TRIM9: variants seen among roughly 807,000 people sequenced by gnomAD.
TRIM9 encodes the protein E3 ubiquitin-protein ligase TRIM9.
A neutral mutation model predicts 78.3 loss-of-function variants in TRIM9; 26 were observed. The observed-to-expected ratio is 0.33, with a 90% CI of 0.24 to 0.46. The LOEUF is 0.46. Among genes scored for constraint, TRIM9 ranks in the 20% least tolerant of loss-of-function variants. TRIM9 has a pLI of 1.00. For synonymous variants in TRIM9, 398 were observed against 416.5 expected, an observed-to-expected ratio of 0.96 and a Z score of 0.54; for missense variants, 787 against 1,036.4, an observed-to-expected ratio of 0.76 and a Z score of 3.30.
chr14:51,035,856 C>T (rs2059100980), intron 1 of TRIM9, among the ~76,000 whole-genome samples: 2 of 152,198 alleles, frequency 1.3e-5, no homozygotes, highest in Non-Finnish European at 2.9e-5. Flanking sequence ...GTTGTAAATA[C>T]TTGGTAACTG....
intron 1 of TRIM9, among the ~76,000 whole-genome samples, chr14:51,051,412 C>T (rs1201599251): frequency 6.6e-6 from 1 of 152,136 alleles, no homozygotes; most frequent in African/African-American, 2.4e-5. Flanking sequence ...ACCTGTGAAC[C>T]TCTTAGCCAA....
intron 2 of TRIM9, among the ~76,000 whole-genome samples, chr14:51,024,298 T>A (rs772338230): frequency 1.3e-5 from 2 of 152,150 alleles, no homozygotes. Flanking sequence ...ATAAACTCCA[T>A]TGCTTTGGAA....
chr14:51,067,134 A>G (rs1342023969), intron 1 of TRIM9, among the ~76,000 whole-genome samples: 1 of 152,196 alleles, frequency 6.6e-6, no homozygotes, highest in African/African-American at 2.4e-5. Context: ...TGGACAAAAA[A>G]CAACTATTAA....
intron 1 of TRIM9, among the ~76,000 whole-genome samples, chr14:51,027,902 T>C (rs2058398197): frequency 6.6e-6 from 1 of 152,198 alleles, no homozygotes; most frequent in Admixed American, 6.5e-5. Context: ...CTTTTTATTA[T>C]AACCTATGTT....
intron 1 of TRIM9, among the ~76,000 whole-genome samples, chr14:51,080,213 C>T (rs2063170335): frequency 6.8e-6 from 1 of 148,078 alleles, no homozygotes; most frequent in Non-Finnish European, 1.5e-5. Flanking sequence ...TAATGTCTAT[C>T]GAAAGCCAAT....
At chr14:51,084,603 C>G (rs576446172) in intron 1 of TRIM9, among the ~76,000 whole-genome samples, 1 of 152,294 alleles carries the variant, frequency 6.6e-6, no homozygotes, top group East Asian at 1.9e-4. Context: ...GTTAGACTTA[C>G]TAGATTGGAT....
chr14:50,997,622 G>T (rs2054392694), intron 7 of TRIM9: 3 of 1,022,042 alleles, frequency 2.9e-6, no homozygotes, highest in Non-Finnish European at 2.3e-6. Flanking sequence ...AAGAACCTAG[G>T]TCCCACCCTC....
At chr14:50,990,088 G>A (rs947396404) in intron 7 of TRIM9, among the ~76,000 whole-genome samples, 6 of 152,172 alleles carry the variant, frequency 3.9e-5, no homozygotes, top group African/African-American at 1.4e-4. Context: ...GTTGATCATA[G>A]CTCACTGCAG....
At chr14:50,979,574 G>A (rs941919437) in intron 11 of TRIM9, 25 bp from the exon 12 acceptor site, 3 of 1,599,856 alleles carry the variant, frequency 1.9e-6, no homozygotes, top group Non-Finnish European at 2.6e-6. Context: ...AAAAATTGGG[G>A]TTCATTTCCT....
intron 1 of TRIM9, among the ~76,000 whole-genome samples, chr14:51,070,699 G>T (rs574406029): frequency 9.0e-4 from 137 of 152,294 alleles, no homozygotes; most frequent in Non-Finnish European, 1.6e-3. Flanking sequence ...GGGAATAACA[G>T]GGATTGACTG....
At chr14:51,075,568 G>A (rs2062697189) in intron 1 of TRIM9, among the ~76,000 whole-genome samples, 1 of 152,180 alleles carries the variant, frequency 6.6e-6, no homozygotes, top group Non-Finnish European at 1.5e-5. Flanking sequence ...CATTTCGGAA[G>A]CACTCCTGTG....
chr14:51,054,065 T>A (rs2060679945), intron 1 of TRIM9, among the ~76,000 whole-genome samples: 1 of 152,204 alleles, frequency 6.6e-6, no homozygotes, highest in Admixed American at 6.5e-5. Flanking sequence ...TGTCACAGAA[T>A]TAATCTTTCT....
Position 50,981,963 on chromosome 14 carries a change from C to G in TRIM9, c.1999G>C (p.Glu667Gln). Reference sequence around the variant, plus strand: ...TTGTCATAGCGATCTACCGTGAGCTCCCAGTAGTGGATGCCCTTGGAGAAG... The same window carrying G: ...TTGTCATAGCGATCTACCGTGAGCTGCCAGTAGTGGATGCCCTTGGAGAAG... Reference protein sequence around the residue: ...TGFSKGIHYWELTVDRYDNHP... With the variant: ...TGFSKGIHYWQLTVDRYDNHP... Residue 667 changes from glutamate to glutamine, a missense_variant, in exon 11 of 13, where the codon GAG becomes CAG. Transcript: ENST00000684578. 1 of 1,614,214 alleles carries G rather than the reference C, an allele frequency of 6.2e-7. No individual in the cohort carries two copies. The highest frequency in any genetic ancestry group is 8.5e-7 in the Non-Finnish European group (1 of 1,180,046).
At chr14:51,072,774 T>A (rs1420001355) in intron 1 of TRIM9, among the ~76,000 whole-genome samples, 1 of 152,198 alleles carries the variant, frequency 6.6e-6, no homozygotes, top group African/African-American at 2.4e-5. Context: ...CCTCTCTCCC[T>A]AAATTGCTTT....
intron 3 of TRIM9, among the ~76,000 whole-genome samples, chr14:51,017,152 G>T (rs1458864765): frequency 6.6e-6 from 1 of 152,158 alleles, no homozygotes; most frequent in African/African-American, 2.4e-5. Flanking sequence ...AAAACTTACA[G>T]CATTTAACTT....
intron 1 of TRIM9, among the ~76,000 whole-genome samples, chr14:51,027,573 A>C (rs2058365210): frequency 6.6e-6 from 1 of 152,102 alleles, no homozygotes; most frequent in Non-Finnish European, 1.5e-5. Context: ...ACTTTGCTCT[A>C]TGTATTTAGG....
chr14:50,980,499 C>T (rs552661730), intron 11 of TRIM9, among the ~76,000 whole-genome samples: 2 of 152,294 alleles, frequency 1.3e-5, no homozygotes, highest in African/African-American at 4.8e-5. Context: ...TACAAATTGC[C>T]TCTTGCTACT....
intron 5 of TRIM9, among the ~76,000 whole-genome samples, chr14:51,001,574 C>T (rs1204036824): frequency 1.3e-5 from 2 of 152,114 alleles, no homozygotes; most frequent in African/African-American, 4.8e-5. Flanking sequence ...AGATTGAAAC[C>T]CAAGTTAATA....
intron 7 of TRIM9, chr14:50,997,470 G>C (rs2054367364): frequency 1.0e-6 from 1 of 985,624 alleles, no homozygotes; most frequent in Admixed American, 6.1e-5. Flanking sequence ...CTCAATCCTG[G>C]TGCTGACGGC....
Sources: allele counts gnomAD v4.1 joint callset (sites outside exome capture counted in the v4.1 genomes callset), GRCh38; gene constraint gnomAD v4.1.1; transcripts MANE v1.5; gene names NCBI Gene and HGNC (gene_info 2026-07-23, HGNC 2026-07-21).